RDX: variants seen among roughly 807,000 people sequenced by gnomAD.
The protein encoded by RDX is radixin, also known as deafness, autosomal recessive 24.
Under a neutral mutation model 83.7 loss-of-function variants are expected in RDX, and 32 were observed. The ratio of observed to expected loss-of-function variants is 0.38; its 90% confidence interval spans 0.29 to 0.51. The LOEUF is 0.51. RDX is among the 20% of genes least tolerant of loss of function. The probability of loss-of-function intolerance (pLI) is 0.87; values close to 1 mark genes in which losing one functional copy is unlikely to be tolerated. For synonymous variants in RDX, 229 were observed against 222.7 expected (o/e 1.03, Z -0.25); for missense variants, 600 against 689.9 (o/e 0.87, Z 1.46).
intron 15 of RDX, chr11:110,185,379 G>T (rs1469860580): frequency 6.6e-6 from 1 of 152,206 alleles, no homozygotes; most frequent in Non-Finnish European, 1.5e-5. Context: ...AGAACATTGG[G>T]TTCTTCTGGA....
At chr11:110,185,009 C>T (rs530006758) in intron 15 of RDX, 1 of 152,230 alleles carries the variant, frequency 6.6e-6, no homozygotes, top group African/African-American at 2.4e-5. Context: ...CACACGGTTC[C>T]CTAACCCGCA....
chr11:110,273,275 C>A (rs1860374750), intron 2 of RDX, among the ~76,000 whole-genome samples: 1 of 152,208 alleles, frequency 6.6e-6, no homozygotes, highest in Admixed American at 6.5e-5. Context: ...ACTCCAAATT[C>A]TTTGAATGTG....
intron 14 of RDX, among the ~76,000 whole-genome samples, chr11:110,202,039 C>T (rs1001777590): frequency 1.2e-4 from 18 of 151,892 alleles, no homozygotes; most frequent in African/African-American, 4.1e-4. Flanking sequence ...CTTGGCCTCC[C>T]AAAGTTCTGG....
chr11:110,295,993 C>G (rs530882020), intron 1 of RDX, among the ~76,000 whole-genome samples: 6 of 152,250 alleles, frequency 3.9e-5, no homozygotes, highest in South Asian at 2.1e-4. Context: ...GGCCGGGGAA[C>G]AAGTTCTAAT....
intron 10 of RDX, among the ~76,000 whole-genome samples, chr11:110,246,463 A>G (rs1211114001): frequency 6.6e-6 from 1 of 152,210 alleles, no homozygotes; most frequent in East Asian, 1.9e-4. Context: ...CTTTTTAAGC[A>G]CCAACATGGC....
intron 15 of RDX, among the ~76,000 whole-genome samples, chr11:110,178,463 G>A (rs1045752604): frequency 3.3e-5 from 5 of 152,164 alleles, no homozygotes; most frequent in Non-Finnish European, 7.3e-5. Context: ...GGACTATGCC[G>A]TGGCTATTAC....
At chr11:110,268,981 ATTT>A (rs915256875) in intron 3 of RDX, among the ~76,000 whole-genome samples, 81 of 149,588 alleles carry the variant, frequency 5.4e-4, no homozygotes, top group Non-Finnish European at 1.1e-3. Flanking sequence ...ATATATATAT[ATTT>A]TTTTAATTAA....
chr11:110,270,546 TTACA>T (rs1443282602), intron 3 of RDX, among the ~76,000 whole-genome samples: 1 of 152,156 alleles, frequency 6.6e-6, no homozygotes, highest in Non-Finnish European at 1.5e-5. Context: ...TCTACGCACT[TTACA>T]TAGATTTTCA....
At chr11:110,225,689 G>A (rs1307070911), downstream of RDX, among the ~76,000 whole-genome samples, 4 of 152,114 alleles carry the variant, frequency 2.6e-5, no homozygotes, top group Admixed American at 1.3e-4. Flanking sequence ...AGAACCTTGT[G>A]CACCGCTATG....
chr11:110,224,514 G>A (rs1470311133), downstream of RDX, among the ~76,000 whole-genome samples: 1 of 152,130 alleles, frequency 6.6e-6, no homozygotes, highest in African/African-American at 2.4e-5. Flanking sequence ...TATAAAATCA[G>A]TTATAAAAGC....
At chr11:110,269,634 T>C (rs775943947) in intron 3 of RDX, among the ~76,000 whole-genome samples, 6 of 152,166 alleles carry the variant, frequency 3.9e-5, no homozygotes, top group Non-Finnish European at 7.4e-5. Context: ...ATCCTTGCAT[T>C]TGAGTTCAAG....
intron 8 of RDX, among the ~76,000 whole-genome samples, chr11:110,254,613 T>C (rs1461330238): frequency 1.3e-5 from 2 of 151,974 alleles, no homozygotes; most frequent in South Asian, 2.1e-4. Context: ...GTAGCTGGGA[T>C]TACAGGCATG....
Position 110,231,630 on chromosome 11 carries a change from A to C in RDX, c.*239T>G, listed in dbSNP as rs1209158940. The C allele has an allele frequency of 1.8e-6, 1 of 546,716 alleles. No individual in the cohort carries two copies. Among genetic ancestry groups the C allele is most frequent in the Non-Finnish European group, 3.3e-6 (1 of 305,098 alleles). 33.9% of individuals were successfully genotyped at this position (546,716 alleles called of 1,614,324 possible). ...AAAAAAGAAAAAGAAAAAAAATGTG[A>C]AAAGAGGCAATGGAACACCATTCTC... is the stretch of plus-strand genomic sequence containing the variant. On this transcript the variant is annotated 3_prime_UTR_variant, in exon 14 of 14. Coordinates refer to ENST00000645495, the MANE Select transcript of RDX (RefSeq NM_002906.4).
chr11:110,196,760 A>G (rs1411835909), intron 15 of RDX, among the ~76,000 whole-genome samples: 1 of 152,180 alleles, frequency 6.6e-6, no homozygotes, highest in Non-Finnish European at 1.5e-5. Context: ...AAAGGTCTGA[A>G]GGTTGAGAAA....
At position 110,236,204 on chromosome 11, in the gene RDX, A is replaced by G. The variant is rs1294823650; in HGVS notation, c.1252-13T>C. The G allele has an allele frequency of 6.3e-7, 1 of 1,589,348 alleles. No homozygotes were observed. Among genetic ancestry groups the G allele is most frequent in the African/African-American group, 1.3e-5 (1 of 74,438 alleles). The stretch of plus-strand genomic sequence containing the variant: ...CAAGTTCTGCTGCCTAAAGTAAACA[A>G]TATAATTCCAAAATTAAAATAACAT... On this transcript the variant is annotated splice_polypyrimidine_tract_variant and intron_variant, in intron 11 of 13. Transcript: ENST00000645495.
chr11:110,209,379 G>C (rs1490938525), intron 14 of RDX, among the ~76,000 whole-genome samples: 1 of 151,602 alleles, frequency 6.6e-6, no homozygotes, highest in East Asian at 1.9e-4. Context: ...AGCAGTCTGA[G>C]ATCAAACTGC....
At position 110,240,260 on chromosome 11, in the gene RDX, A is replaced by C. The variant is rs565063565; in HGVS notation, c.1091-2608T>G. On this transcript the variant is annotated intron_variant, in intron 10 of 13. Transcript: ENST00000645495. ...AGCAATATGGATGGAACTGGAAGCC[A>C]TCACGTTAAGTGAAATAAACCAAGC... 5.9e-5 allele frequency among the ~76,000 whole-genome samples: 9 copies of C among 152,328 alleles called. No individual in the cohort carries two copies. The East Asian group carries it at 1.5e-3, about 26-fold the overall frequency.
intron 5 of RDX, among the ~76,000 whole-genome samples, chr11:110,260,061 A>C (rs1859739575): frequency 6.6e-6 from 1 of 150,502 alleles, no homozygotes; most frequent in Non-Finnish European, 1.5e-5. Context: ...ATCTCGGCTC[A>C]CTGCAAACTC....
intron 15 of RDX, among the ~76,000 whole-genome samples, chr11:110,198,896 AC>A (rs1863297955): frequency 6.6e-6 from 1 of 151,876 alleles, no homozygotes; most frequent in Admixed American, 6.6e-5. Context: ...GCTCACTGCA[AC>A]CTGTGCCTCC....
Sources: allele counts gnomAD v4.1 joint callset (sites outside exome capture counted in the v4.1 genomes callset), GRCh38; gene constraint gnomAD v4.1.1; transcripts MANE v1.5; gene names NCBI Gene and HGNC (gene_info 2026-07-23, HGNC 2026-07-21).